CENATAC: variants seen among roughly 807,000 people sequenced by gnomAD.
CENATAC encodes centrosomal AT-AC splicing factor.
In CENATAC, 53 loss-of-function variants were observed where a neutral mutation model predicts 53.7. That is an observed-to-expected ratio of 0.99 (90% CI 0.79 to 1.24). CENATAC has a LOEUF of 1.24. CENATAC is among the 50% of genes most tolerant of loss of function. The pLI is 0.00. For synonymous variants in CENATAC, 156 were observed against 144.6 expected (o/e 1.08, Z -0.57); for missense variants, 474 against 417.8 (o/e 1.13, Z -1.17).
At chr11:119,006,708 C>T (rs1942618879) in intron 3 of CENATAC, among the ~76,000 whole-genome samples, 1 of 152,210 alleles carries the variant, frequency 6.6e-6, no homozygotes, top group Non-Finnish European at 1.5e-5. Flanking sequence ...CATTCATCAA[C>T]CTCTGTGATA....
intron 2 of CENATAC, 95 bp from the exon 3 acceptor site, chr11:118,998,916 A>G (rs1412580592): frequency 1.7e-5 from 16 of 943,042 alleles, no homozygotes; most frequent in South Asian, 1.4e-5. Flanking sequence ...CCAGGCAGAA[A>G]CCCAGATGTC....
rs1166067764 is a variant in CENATAC, at chr11:119,015,710, CATTTG to C, written c.*117_*121del. On this transcript the variant is annotated 3_prime_UTR_variant, in exon 11 of 11. Coordinates refer to ENST00000334418, the MANE Select transcript of CENATAC (RefSeq NM_198489.3). ...TTCTTAGGAAACAGACATACTCATT[CATTTG>C]ATTTAATAAAGTTTTATTTTTCCAA... is the stretch of plus-strand genomic sequence containing the variant. 6 of 1,298,262 alleles carry C rather than the reference CATTTG, an allele frequency of 4.6e-6. No homozygotes were observed. The highest frequency in any genetic ancestry group is 2.3e-5 in the East Asian group (1 of 43,038). The allele number at this position is 1,298,262 out of a possible 1,614,324, so 80.4% of individuals were successfully genotyped here.
chr11:119,015,530 C>T lies in CENATAC; in HGVS notation c.939-8C>T. ...TCATCATCGTGTTAACCCTTTATTT[C>T]CTTTCAGACATCAATTCAAAACTGA... On this transcript the variant is annotated splice_region_variant and splice_polypyrimidine_tract_variant and intron_variant, in intron 10 of 10. Coordinates refer to ENST00000334418, the MANE Select transcript of CENATAC (RefSeq NM_198489.3). The T allele has an allele frequency of 6.2e-6, 10 of 1,614,118 alleles. No homozygotes were observed. The highest frequency in any genetic ancestry group is 8.5e-6 in the Non-Finnish European group (10 of 1,179,998).
intron 7 of CENATAC, chr11:119,012,467 AATCTTGCCCTCTGTAG>A (rs1314259684): frequency 1.4e-5 from 7 of 513,110 alleles, no homozygotes; most frequent in African/African-American, 3.8e-5. Flanking sequence ...CCAACTCCTA[AATCTTGCCCTCTGTAG>A]AACTCATAGT....
intron 3 of CENATAC, among the ~76,000 whole-genome samples, chr11:119,007,895 G>C (rs1942681498): frequency 6.6e-6 from 1 of 152,176 alleles, no homozygotes; most frequent in Non-Finnish European, 1.5e-5. Flanking sequence ...TTTAGATTTA[G>C]ATGGTTTCTT....
rs1943093189 is a variant in CENATAC, at chr11:119,015,099, C to T, written c.805+16C>T. ...CTTAAAGAAAGTAAGTAAACTAATT[C>T]AAGAGAGGATCGTCTAAATCTTCAC... On this transcript the variant is annotated intron_variant, in intron 9 of 10. Transcript: ENST00000334418. The T allele has an allele frequency of 1.9e-6, 3 of 1,576,636 alleles. No homozygotes were observed. The South Asian group carries it at 3.4e-5, about 18-fold the overall frequency.
At chr11:119,013,544 A>T (rs1453690837) in intron 8 of CENATAC, among the ~76,000 whole-genome samples, 1 of 150,082 alleles carries the variant, frequency 6.7e-6, no homozygotes, top group African/African-American at 2.5e-5. Flanking sequence ...GCTCACTGCA[A>T]GCTCCGCCTC....
intron 3 of CENATAC, among the ~76,000 whole-genome samples, chr11:118,999,706 G>A (rs555997043): frequency 2.0e-4 from 30 of 152,020 alleles, no homozygotes; most frequent in African/African-American, 7.2e-4. Flanking sequence ...GCAGTGGCGC[G>A]ATCTCCGCTC....
In CENATAC at chr11:119,003,646, C is replaced by T. The variant is rs1176163899; in HGVS notation, c.383+4537C>T. ...CTTTTTTTTTTTTTTTTTTGGGAGA[C>T]AGAGTCTTGTTCTGTTGCCCAGGCT... On this transcript the variant is annotated intron_variant, in intron 3 of 10. Transcript: ENST00000334418. 17 of 142,690 alleles carry T rather than the reference C, an allele frequency of 1.2e-4. 1 individual carries two copies. Among genetic ancestry groups the T allele is most frequent in the Admixed American group, 7.0e-4 (6 of 8,598 alleles). 8.8% of individuals were successfully genotyped at this position (142,690 alleles called of 1,614,324 possible). A position where few individuals can be genotyped will look rare whatever the true frequency, so the allele number is the denominator to read the frequency against.
intron 5 of CENATAC, 172 bp downstream of exon 5, chr11:119,011,455 C>A (rs1942865334): frequency 1.8e-6 from 1 of 552,502 alleles, no homozygotes; most frequent in South Asian, 2.0e-5. Context: ...CTCACTGCAA[C>A]CTCCACCTCC....
chr11:119,005,971 C>G (rs1437528215), intron 3 of CENATAC: 1 of 134,480 alleles, frequency 7.4e-6, no homozygotes, highest in Non-Finnish European at 1.5e-5. Context: ...GGGTCTTGCT[C>G]TGTCACCCAG....
intron 3 of CENATAC, chr11:118,999,396 T>C (rs1435049665): frequency 3.5e-6 from 1 of 288,892 alleles, no homozygotes; most frequent in Non-Finnish European, 6.6e-6. Flanking sequence ...AGAGGCTGTT[T>C]ATAGTTTGTA....
In CENATAC at chr11:119,015,452, A is replaced by G; in HGVS notation, c.938+13A>G. The G allele has an allele frequency of 6.2e-7, 1 of 1,613,888 alleles. No individual in the cohort carries two copies. Among genetic ancestry groups the G allele is most frequent in the Non-Finnish European group, 8.5e-7 (1 of 1,179,786 alleles). ...GCTGGCAGTCCAGGTATGTGTGTTC[A>G]GTGCCGGGTCTCCAACCTACCCATC... On this transcript the variant is annotated intron_variant, in intron 10 of 10. Coordinates refer to ENST00000334418, the MANE Select transcript of CENATAC (RefSeq NM_198489.3).
intron 3 of CENATAC, among the ~76,000 whole-genome samples, chr11:119,001,035 T>G (rs1417545090): frequency 6.6e-6 from 1 of 152,160 alleles, no homozygotes; most frequent in Non-Finnish European, 1.5e-5. Context: ...TTTCTCTGCT[T>G]CTTTGGAGTG....
Position 119,012,041 on chromosome 11 carries a change from A to G in CENATAC, c.578+38A>G, listed in dbSNP as rs1437102207. ...GGGAATCTCTTGTTGGGAATTTGAC[A>G]TCTTAGAACATTCTGCAACCTTTTG... On this transcript the variant is annotated intron_variant, in intron 6 of 10. Transcript: ENST00000334418. 1.9e-6 allele frequency: 3 copies of G among 1,613,740 alleles called. No homozygotes were observed. The Admixed American group carries it at 5.0e-5, about 27-fold the overall frequency.
chr11:119,004,566 A>ACTTTTTATT (rs1159777208), intron 3 of CENATAC: 2 of 152,078 alleles, frequency 1.3e-5, no homozygotes, highest in Non-Finnish European at 2.9e-5. Flanking sequence ...ATTTTTAATA[A>ACTTTTTATT]AAAGGGTATC....
chr11:119,012,961 G>C (rs1177758424), intron 7 of CENATAC: 1 of 391,066 alleles, frequency 2.6e-6, no homozygotes, highest in Non-Finnish European at 4.6e-6. Flanking sequence ...TGTATGCTGT[G>C]AGGGCAAGGT....
intron 7 of CENATAC, 189 bp downstream of exon 7, chr11:119,012,443 GAC>G (rs1942913610): frequency 5.1e-6 from 3 of 587,504 alleles, no homozygotes. Flanking sequence ...CACATGTATT[GAC>G]ACTTAGGAGT....
At chr11:119,001,224 A>G (rs1481561032) in intron 3 of CENATAC, among the ~76,000 whole-genome samples, 2 of 152,216 alleles carry the variant, frequency 1.3e-5, no homozygotes, top group Non-Finnish European at 2.9e-5. Context: ...AAGCAGATAC[A>G]ACACTTGAGT....
Sources: gnomAD v4.1 joint callset for allele counts (sites outside exome capture counted in the v4.1 genomes callset) on GRCh38, gnomAD v4.1.1 for gene constraint, MANE v1.5 for transcripts, NCBI Gene and HGNC (gene_info 2026-07-23, HGNC 2026-07-21) for gene names.